The following CPLANE1 variants were observed in gnomAD, a reference collection of about 807,000 sequenced individuals.
The protein encoded by CPLANE1 is ciliogenesis and planar polarity effector 1.
A neutral mutation model predicts 362.5 loss-of-function variants in CPLANE1; 263 were observed. That is an observed-to-expected ratio of 0.73 (90% CI 0.66 to 0.80). The LOEUF is 0.80. CPLANE1 is among the 30% of genes least tolerant of loss of function. CPLANE1 has a pLI of 0.00. For missense variants in CPLANE1, 3,461 were observed against 3,793.4 expected (o/e 0.91, Z 2.30); for synonymous variants, 1,212 against 1,302.6 (o/e 0.93, Z 1.50).
chr5:37,222,065 G>A (rs1046219667), intron 14 of CPLANE1, among the ~76,000 whole-genome samples: 2 of 151,270 alleles, frequency 1.3e-5, no homozygotes, highest in Non-Finnish European at 2.9e-5. Context: ...TAAGATAGGA[G>A]CCCCTGACAA....
At chr5:37,202,622 G>T (rs867270933) in intron 18 of CPLANE1, among the ~76,000 whole-genome samples, 1 of 152,058 alleles carries the variant, frequency 6.6e-6, no homozygotes, top group Non-Finnish European at 1.5e-5. Context: ...TGTAAGATGT[G>T]GTGGTAGAAC....
intron 18 of CPLANE1, chr5:37,205,108 G>T: frequency 3.4e-6 from 1 of 295,742 alleles, no homozygotes. Flanking sequence ...AGTGAGCTAA[G>T]ATCACGCCAC....
At position 37,138,716 on chromosome 5, in the gene CPLANE1, T is replaced by C; in HGVS notation, c.8792+4A>G. Reference sequence around the variant, plus strand: ...AGGTTAAAAATGAATTATTCAATGATTACCTGGAGGTGCCCATAGCTTGTT... The same window carrying C: ...AGGTTAAAAATGAATTATTCAATGACTACCTGGAGGTGCCCATAGCTTGTT... On this transcript the variant is annotated splice_donor_region_variant and intron_variant, in intron 46 of 52. Coordinates refer to ENST00000651892, the MANE Select transcript of CPLANE1 (RefSeq NM_001384732.1). The C allele has an allele frequency of 1.2e-6, 2 of 1,601,134 alleles. No individual in the cohort carries two copies. The highest frequency in any genetic ancestry group is 1.7e-6 in the Non-Finnish European group (2 of 1,176,696).
rs1393218869 is a variant in CPLANE1 at position 37,141,563 on chromosome 5, CAG to C, written c.8632+745_8632+746del. ...AATAGGTTTTCTTTTATTTAAGTAA[CAG>C]TAATGCCATTTAAAATAGCATTTTT... is the stretch of plus-strand genomic sequence containing the variant. On this transcript the variant is annotated intron_variant, in intron 44 of 52. Coordinates refer to ENST00000651892, the MANE Select transcript of CPLANE1 (RefSeq NM_001384732.1). 6 of 964,902 alleles carry C rather than the reference CAG, an allele frequency of 6.2e-6. No individual in the cohort carries two copies. In the East Asian group the frequency reaches 6.9e-4, roughly 111 times the overall value. 59.8% of individuals were successfully genotyped at this position (964,902 alleles called of 1,614,324 possible). A position where few individuals can be genotyped will look rare whatever the true frequency, so the allele number is the denominator to read the frequency against.
chr5:37,085,919 G>GA, the CPLANE1 span: 7,185 of 494,416 alleles, frequency 0.015, no homozygotes, highest in South Asian at 0.021. Context: ...GAATTAATAG[G>GA]AAAAAAAAAA....
chr5:37,229,814 T>G (rs1435878164), intron 9 of CPLANE1, among the ~76,000 whole-genome samples: 1 of 152,172 alleles, frequency 6.6e-6, no homozygotes, highest in Non-Finnish European at 1.5e-5. Context: ...AGCGTCACAC[T>G]GCTTTCATAG....
chr5:37,159,094 CTTTTTTTTT>C (rs34035923), intron 38 of CPLANE1, among the ~76,000 whole-genome samples: 25 of 59,764 alleles, frequency 4.2e-4, no homozygotes, highest in Non-Finnish European at 5.9e-4. Context: ...AATTCACATT[CTTTTTTTTT>C]TTTTTTTTTT....
At chr5:37,190,442 G>GT (rs1785218145) in intron 21 of CPLANE1, among the ~76,000 whole-genome samples, 1 of 151,796 alleles carries the variant, frequency 6.6e-6, no homozygotes, top group South Asian at 2.1e-4. Context: ...ACCAGGCCTG[G>GT]TGGTGCACAC....
At chr5:37,244,312 T>C (rs766992538) in intron 5 of CPLANE1, 63 bp downstream of exon 5, 2 of 1,012,312 alleles carry the variant, frequency 2.0e-6, no homozygotes, top group African/African-American at 1.7e-5. Flanking sequence ...TAAAGATATA[T>C]AGTTATACCA....
At chr5:37,195,475 C>G (rs113991041) in intron 21 of CPLANE1, among the ~76,000 whole-genome samples, 1 of 151,708 alleles carries the variant, frequency 6.6e-6, no homozygotes, top group Non-Finnish European at 1.5e-5. Context: ...GTGGTGTGCA[C>G]CTGTCATCCC....
At chr5:37,210,398 A>C (rs1257240449) in intron 16 of CPLANE1, 28 of 1,012,214 alleles carry the variant, frequency 2.8e-5, no homozygotes, top group Non-Finnish European at 4.4e-5. Flanking sequence ...ATGACCAAAA[A>C]CTCAAGAATG....
rs1359437084 is a variant in CPLANE1, at chr5:37,206,414, G to A, written c.2932C>T (p.Arg978Ter). 2.6e-6 allele frequency: 4 copies of A among 1,549,450 alleles called. No individual in the cohort carries two copies. The highest frequency in any genetic ancestry group is 2.4e-5 in the East Asian group (1 of 40,914). Residue 978 changes from arginine to a stop codon, truncating the protein, a stop_gained, in exon 17 of 53, where the codon CGA (arginine) becomes TGA (stop). Transcript: ENST00000651892. LOFTEE classifies it high-confidence loss of function. ...TTAGAGTGTTGCAGAGGAATAAGTC[G>A]AAAGGACTGCTCTGTGAGTAAATTT... The part of the protein sequence containing the change: ...PLHIKTEQSF[R>*]LIPLQHSKVA...
In CPLANE1 at chr5:37,168,959, A is replaced by T; in HGVS notation, c.7065T>A (p.His2355Gln). 1 of 1,614,174 alleles carries T rather than the reference A, an allele frequency of 6.2e-7. No homozygotes were observed. Among genetic ancestry groups the T allele is most frequent in the Non-Finnish European group, 8.5e-7 (1 of 1,180,018 alleles). The change falls in exon 34 of 53, where the codon CAT becomes CAA. Residue 2355 changes from histidine to glutamine, a missense_variant. Transcript: ENST00000651892. Reference sequence around the variant, plus strand: ...GGTATAGTAACGGAAGTCCAAAGGAATGGTGAGGAGATATCTCAAGGGTCC... The same window carrying T: ...GGTATAGTAACGGAAGTCCAAAGGATTGGTGAGGAGATATCTCAAGGGTCC... ...KPGTLEISPH[H>Q]SFGLPLLYLP...
chr5:37,175,395 C>A (rs1780893544), intron 31 of CPLANE1, among the ~76,000 whole-genome samples: 1 of 152,166 alleles, frequency 6.6e-6, no homozygotes, highest in Non-Finnish European at 1.5e-5. Flanking sequence ...AACAGATCTG[C>A]CCATTTTAAA....
At chr5:37,175,204 G>T (rs1018712457) in intron 31 of CPLANE1, among the ~76,000 whole-genome samples, 15 of 152,190 alleles carry the variant, frequency 9.9e-5, no homozygotes, top group African/African-American at 3.6e-4. Flanking sequence ...CTGGCACTCA[G>T]GAAGGCCTTG....
At chr5:37,079,853 A>C in the CPLANE1 span, among the ~76,000 whole-genome samples, 1 of 152,236 alleles carries the variant, frequency 6.6e-6, no homozygotes, top group Non-Finnish European at 1.5e-5. Flanking sequence ...CATAAAGCAT[A>C]GTACATGGTG....
At position 37,226,811 on chromosome 5, in the gene CPLANE1, A is replaced by C. The variant is rs530569572; in HGVS notation, c.1784T>G (p.Leu595Ter). 2.0e-4 allele frequency: 311 copies of C among 1,549,732 alleles called. No individual in the cohort carries two copies. Among genetic ancestry groups the C allele is most frequent in the Non-Finnish European group, 2.7e-4 (306 of 1,146,300 alleles). ...AGTGATACAAACTACTATGTAATTT[A>C]ACATTAAATTTTTTTCTGTCACAGT... ...SKTVTEKNLM[L>*]NYIVVCITHF... Residue 595 changes from leucine (L) to a stop codon, truncating the protein, a stop_gained, in exon 12 of 53, where the codon TTA becomes TGA. Coordinates refer to ENST00000651892, the MANE Select transcript of CPLANE1 (RefSeq NM_001384732.1). LOFTEE classifies it high-confidence loss of function.
chr5:37,179,856 T>C (rs1247291919), intron 28 of CPLANE1, among the ~76,000 whole-genome samples, 161 bp downstream of exon 28: 1 of 152,204 alleles, frequency 6.6e-6, no homozygotes, highest in Non-Finnish European at 1.5e-5. Context: ...AGAGTTAATA[T>C]GCTCAATATT....
chr5:37,143,989 C>G (rs1237433984), intron 43 of CPLANE1, among the ~76,000 whole-genome samples: 1 of 150,444 alleles, frequency 6.6e-6, no homozygotes, highest in East Asian at 1.9e-4. Flanking sequence ...CAACATGCCT[C>G]TATTAGGTGT....
Sources: gnomAD v4.1 joint callset for allele counts (sites outside exome capture counted in the v4.1 genomes callset) on GRCh38, gnomAD v4.1.1 for gene constraint, MANE v1.5 for transcripts, NCBI Gene and HGNC (gene_info 2026-07-23, HGNC 2026-07-21) for gene names.